USH2A: variants seen among roughly 807,000 people sequenced by gnomAD.
USH2A encodes the protein usherin.
In USH2A, 443 loss-of-function variants were observed where a neutral mutation model predicts 538.9. The ratio of observed to expected loss-of-function variants is 0.82; its 90% CI spans 0.76 to 0.89. The LOEUF (loss-of-function observed/expected upper bound fraction) is 0.89, where lower values mean the gene tolerates loss of function less well. USH2A is among the 40% of genes least tolerant of loss of function. USH2A has a pLI of 0.00. For synonymous variants in USH2A, 2,413 were observed against 2,273.5 expected, an observed-to-expected ratio of 1.06 and a Z score of -1.75; for missense variants, 6,633 against 6,324.8, an observed-to-expected ratio of 1.05 and a Z score of -1.65.
At chr1:216,268,503 G>C (rs1051193063) in intron 11 of USH2A, among the ~76,000 whole-genome samples, 6 of 152,124 alleles carry the variant, frequency 3.9e-5, no homozygotes, top group Admixed American at 3.3e-4. Flanking sequence ...CACTGGTATA[G>C]AGCAAATAGT....
chr1:216,305,138 GT>G (rs1250837053), intron 9 of USH2A, among the ~76,000 whole-genome samples: 1 of 151,888 alleles, frequency 6.6e-6, no homozygotes, highest in African/African-American at 2.4e-5. Context: ...CCATTATTGT[GT>G]TGCTGTTTAT....
intron 21 of USH2A, among the ~76,000 whole-genome samples, chr1:216,138,550 C>T (rs2033532536): frequency 1.3e-5 from 2 of 152,090 alleles, no homozygotes; most frequent in Non-Finnish European, 2.9e-5. Flanking sequence ...TTTATTTTTC[C>T]TGGCATTTTC....
Position 216,281,865 on chromosome 1 carries a change from G to GTTTTTTTTTTTTTTTTTTTTT in USH2A, c.1971+7394_1971+7414dup, listed in dbSNP as rs766030449. 6.2e-5 allele frequency among the ~76,000 whole-genome samples: 6 copies of GTTTTTTTTTTTTTTTTTTTTT among 96,476 alleles called. 1 individual carries two copies. Among genetic ancestry groups the GTTTTTTTTTTTTTTTTTTTTT allele is most frequent in the Non-Finnish European group, 5.8e-5 (3 of 51,750 alleles). 63.3% of individuals were successfully genotyped at this position (96,476 alleles called of 152,430 possible). Reference sequence around the variant, plus strand: ...TCCTCACCAAATTTTGTTTTTGTCTGTTTTTTTTTTTTTTTTTTTTTTGAG... The same window carrying GTTTTTTTTTTTTTTTTTTTTT: ...TCCTCACCAAATTTTGTTTTTGTCTGTTTTTTTTTTTTTTTTTTTTTTTTTTTTTTTTTTTTTTTTTTTGAG... On this transcript the variant is annotated intron_variant, in intron 11 of 71. Transcript: ENST00000307340.
chr1:215,887,172 T>A (rs983859961), intron 41 of USH2A, among the ~76,000 whole-genome samples: 1 of 152,226 alleles, frequency 6.6e-6, no homozygotes, highest in African/African-American at 2.4e-5. Flanking sequence ...ATACTTACTC[T>A]TTTTCAGATC....
chr1:216,156,428 C>T lies in USH2A; in HGVS notation c.4627+18824G>A, dbSNP rs542250239. Among the ~76,000 whole-genome samples the T allele has an allele frequency of 1.9e-4, 28 of 151,224 alleles. No homozygotes were observed. In the South Asian group the frequency reaches 5.6e-3, roughly 30 times the overall value. Reference sequence around the variant, plus strand: ...TTTCACATCTTATTTTTGGACTTTGCAGGCTTGAAACATTTATTCAGTAAC... The same window carrying T: ...TTTCACATCTTATTTTTGGACTTTGTAGGCTTGAAACATTTATTCAGTAAC... On this transcript the variant is annotated intron_variant, in intron 21 of 71. Coordinates refer to ENST00000307340, the MANE Select transcript of USH2A (RefSeq NM_206933.4).
chr1:215,845,802 A>G (rs773367030), intron 45 of USH2A, 22 bp downstream of exon 45: 3 of 1,610,056 alleles, frequency 1.9e-6, no homozygotes, highest in South Asian at 1.1e-5. Flanking sequence ...TGAGGCAAAT[A>G]TCCTTTAGAA....
chr1:216,416,825 A>AT (rs5780882), intron 3 of USH2A, among the ~76,000 whole-genome samples: 120,310 of 152,016 alleles, frequency 0.79, 48,293 homozygotes, highest in African/African-American at 0.93. Context: ...AGTAAAGATA[A>AT]TTTTTTTGTC....
intron 21 of USH2A, among the ~76,000 whole-genome samples, chr1:216,153,272 T>C (rs1415129723): frequency 6.6e-6 from 1 of 152,176 alleles, no homozygotes; most frequent in Non-Finnish European, 1.5e-5. Context: ...AAGGGCATTG[T>C]AACACACCCA....
chr1:215,913,512 G>A (rs147454853), intron 38 of USH2A, among the ~76,000 whole-genome samples: 3 of 152,194 alleles, frequency 2.0e-5, no homozygotes, highest in Admixed American at 6.6e-5. Context: ...GGCAGCAAGG[G>A]TGGGAGACAC....
intron 50 of USH2A, 43 bp from the exon 51 acceptor site, chr1:215,790,325 G>C: frequency 6.2e-7 from 1 of 1,605,964 alleles, no homozygotes; most frequent in Non-Finnish European, 8.5e-7. Flanking sequence ...AATAGAAAAA[G>C]GGAAGAAAAC....
intron 49 of USH2A, among the ~76,000 whole-genome samples, chr1:215,801,362 C>T (rs1662327572): frequency 6.8e-6 from 1 of 147,018 alleles, no homozygotes; most frequent in East Asian, 2.0e-4. Flanking sequence ...TCTCAGACAA[C>T]ATGATATCAT....
At chr1:215,804,389 A>G (rs1662432215) in intron 49 of USH2A, among the ~76,000 whole-genome samples, 1 of 152,172 alleles carries the variant, frequency 6.6e-6, no homozygotes. Flanking sequence ...TACTCATCTG[A>G]CAAAGGGCTA....
chr1:215,976,300 A>C (rs1667617632), intron 35 of USH2A, among the ~76,000 whole-genome samples: 1 of 152,070 alleles, frequency 6.6e-6, no homozygotes, highest in Non-Finnish European at 1.5e-5. Flanking sequence ...GATTTCTTTT[A>C]TTTCTTTCTT....
intron 58 of USH2A, among the ~76,000 whole-genome samples, chr1:215,750,593 TA>T (rs953644980): frequency 1.4e-4 from 21 of 152,200 alleles, no homozygotes; most frequent in Non-Finnish European, 2.9e-5. Flanking sequence ...TTCCTATATA[TA>T]AAGCAAAAAT....
chr1:215,678,240 C>T (rs1658096888), intron 62 of USH2A, among the ~76,000 whole-genome samples: 1 of 152,286 alleles, frequency 6.6e-6, no homozygotes, highest in Admixed American at 6.5e-5. Context: ...TATTCCTTTG[C>T]TTAAAGCCTT....
intron 41 of USH2A, among the ~76,000 whole-genome samples, chr1:215,887,784 T>C (rs1251792185): frequency 6.6e-6 from 1 of 152,214 alleles, no homozygotes; most frequent in East Asian, 1.9e-4. Flanking sequence ...CCAATGCTTT[T>C]GGCAGTAGTA....
Position 216,200,023 on chromosome 1 carries a change from C to T in USH2A, c.3415G>A (p.Val1139Ile). 6.2e-6 allele frequency: 10 copies of T among 1,613,826 alleles called. No individual in the cohort carries two copies. The highest frequency in any genetic ancestry group is 8.5e-6 in the Non-Finnish European group (10 of 1,179,982). The change falls in exon 17 of 72, where the codon GTC becomes ATC. Residue 1139 changes from valine (V) to isoleucine (I), a missense_variant. By Grantham distance (29) the Val-to-Ile change is conservative (BLOSUM62 3). Coordinates refer to ENST00000307340, the MANE Select transcript of USH2A (RefSeq NM_206933.4). Reference protein sequence around the residue: ...NVHGSTRSVAVTYKTKPGVPE... With the variant: ...NVHGSTRSVAITYKTKPGVPE... ...ACCCCTGGTTTTGTCTTGTAAGTGA[C>T]AGCTACACTCCTTGTTGAACCATGC...
At chr1:216,409,190 G>C (rs1214125066) in intron 3 of USH2A, among the ~76,000 whole-genome samples, 1 of 152,056 alleles carries the variant, frequency 6.6e-6, no homozygotes, top group Non-Finnish European at 1.5e-5. Flanking sequence ...TGTACAATGA[G>C]AAATGCAAAG....
intron 4 of USH2A, among the ~76,000 whole-genome samples, chr1:216,354,398 G>C (rs1457671280): frequency 2.0e-5 from 3 of 152,126 alleles, no homozygotes; most frequent in African/African-American, 2.4e-5. Context: ...AGAGTCAATA[G>C]AAGGAGATGC....
Sources: gnomAD v4.1 joint callset for allele counts (sites outside exome capture counted in the v4.1 genomes callset) on GRCh38, gnomAD v4.1.1 for gene constraint, MANE v1.5 for transcripts, NCBI Gene and HGNC (gene_info 2026-07-23, HGNC 2026-07-21) for gene names.